TAFA1: variants seen among roughly 807,000 people sequenced by gnomAD.
TAFA1 encodes the protein TAFA chemokine like family member 1.
Under a neutral mutation model 18.5 loss-of-function variants are expected in TAFA1, and 4 were observed. That is an observed-to-expected ratio of 0.22 (90% CI 0.11 to 0.49). The LOEUF (loss-of-function observed/expected upper bound fraction) is 0.49. Among genes scored for constraint, TAFA1 ranks in the 20% least tolerant of loss-of-function variants. TAFA1 has a pLI of 0.98. For synonymous variants in TAFA1, 56 were observed against 55.2 expected (o/e 1.01, Z -0.06); for missense variants, 147 against 169.0 (o/e 0.87, Z 0.72).
At chr3:68,021,616 C>T (rs73837234) in intron 2 of TAFA1, among the ~76,000 whole-genome samples, 7,182 of 152,118 alleles carry the variant, frequency 0.047, 286 homozygotes, top group East Asian at 0.13. Context: ...ATTTTCTACT[C>T]TGAATACAAA....
intron 2 of TAFA1, among the ~76,000 whole-genome samples, chr3:68,291,905 A>T (rs2068116315): frequency 6.6e-6 from 1 of 152,172 alleles, no homozygotes; most frequent in Admixed American, 6.5e-5. Flanking sequence ...ATCTAGTGGG[A>T]GATAATACAG....
At chr3:68,021,003 T>A (rs995895371) in intron 2 of TAFA1, among the ~76,000 whole-genome samples, 1 of 151,706 alleles carries the variant, frequency 6.6e-6, no homozygotes, top group Non-Finnish European at 1.5e-5. Flanking sequence ...CTGGCCAACA[T>A]GGTGAAACCC....
At chr3:68,207,233 T>C (rs2066539387) in intron 2 of TAFA1, among the ~76,000 whole-genome samples, 1 of 151,906 alleles carries the variant, frequency 6.6e-6, no homozygotes, top group Non-Finnish European at 1.5e-5. Flanking sequence ...CCCATAAAGT[T>C]ACTGTTTTCT....
chr3:68,202,965 A>G (rs1251576346), intron 2 of TAFA1, among the ~76,000 whole-genome samples: 1 of 151,672 alleles, frequency 6.6e-6, no homozygotes, highest in Non-Finnish European at 1.5e-5. Context: ...CTCTCTAAAG[A>G]ACTTTTAACA....
intron 2 of TAFA1, among the ~76,000 whole-genome samples, chr3:68,376,306 G>A (rs1694841852): frequency 6.6e-6 from 1 of 151,642 alleles, no homozygotes; most frequent in Non-Finnish European, 1.5e-5. Flanking sequence ...TGTTACATAG[G>A]GAAACTTGTG....
At chr3:68,197,879 T>G (rs1355940225) in intron 2 of TAFA1, among the ~76,000 whole-genome samples, 1 of 151,716 alleles carries the variant, frequency 6.6e-6, no homozygotes, top group East Asian at 2.0e-4. Flanking sequence ...GTTGGAAGTT[T>G]CTAAGACTTG....
At chr3:68,080,769 G>C (rs947266531) in intron 2 of TAFA1, among the ~76,000 whole-genome samples, 1 of 152,032 alleles carries the variant, frequency 6.6e-6, no homozygotes, top group Non-Finnish European at 1.5e-5. Flanking sequence ...TTCAACTTTG[G>C]TGAATCTGAC....
rs139583488 is a variant in TAFA1, at chr3:68,444,508, T to C, written c.259+27088T>C. On this transcript the variant is annotated intron_variant, in intron 3 of 4. Transcript: ENST00000478136. ...GCTTTCCAGTAACAATGCTACACCA[T>C]GTAAGGAAGTACAAATCTTGGGTGA... Among the ~76,000 whole-genome samples, 9 of 152,240 alleles carry C rather than the reference T, an allele frequency of 5.9e-5. No homozygotes were observed. In the East Asian group the frequency reaches 1.4e-3, roughly 23 times the overall value.
At chr3:68,349,666 ACT>A (rs1247838500) in intron 2 of TAFA1, among the ~76,000 whole-genome samples, 1 of 152,096 alleles carries the variant, frequency 6.6e-6, no homozygotes, top group African/African-American at 2.4e-5. Context: ...CAAACACTTA[ACT>A]CTGCCATCGT....
At chr3:68,053,008 C>A (rs1247584088) in intron 2 of TAFA1, among the ~76,000 whole-genome samples, 2 of 152,176 alleles carry the variant, frequency 1.3e-5, no homozygotes, top group Non-Finnish European at 2.9e-5. Context: ...TTCACTGACA[C>A]CATCAGCAAT....
chr3:68,447,278 A>G (rs1048304140), intron 3 of TAFA1, among the ~76,000 whole-genome samples: 13 of 152,316 alleles, frequency 8.5e-5, no homozygotes, highest in African/African-American at 3.1e-4. Context: ...GTAGAAAACT[A>G]AAAGAACTTT....
At chr3:68,122,435 A>G (rs1346553322) in intron 2 of TAFA1, among the ~76,000 whole-genome samples, 3 of 152,202 alleles carry the variant, frequency 2.0e-5, no homozygotes, top group Non-Finnish European at 4.4e-5. Flanking sequence ...TGTGTTCTAG[A>G]GGAAGTGAAG....
intron 3 of TAFA1, among the ~76,000 whole-genome samples, chr3:68,437,722 C>T (rs2071288761): frequency 6.6e-6 from 1 of 152,114 alleles, no homozygotes; most frequent in Non-Finnish European, 1.5e-5. Flanking sequence ...AAGGCCCCAC[C>T]TGTCAATATT....
chr3:68,120,226 T>C (rs907882929), intron 2 of TAFA1, among the ~76,000 whole-genome samples: 2 of 137,760 alleles, frequency 1.5e-5, no homozygotes, highest in African/African-American at 5.7e-5. Flanking sequence ...TCTTTCTTTC[T>C]TTCTTTCTTT....
intron 2 of TAFA1, among the ~76,000 whole-genome samples, chr3:68,230,068 A>G (rs917060776): frequency 2.0e-5 from 3 of 152,208 alleles, no homozygotes; most frequent in Admixed American, 6.5e-5. Flanking sequence ...TCCAATCAGT[A>G]TAATTGGGAT....
At chr3:68,089,759 T>C (rs554396704) in intron 2 of TAFA1, among the ~76,000 whole-genome samples, 1 of 152,276 alleles carries the variant, frequency 6.6e-6, no homozygotes, top group African/African-American at 2.4e-5. Context: ...GAGAATCCTT[T>C]TTAATAATTC....
intron 2 of TAFA1, among the ~76,000 whole-genome samples, chr3:68,220,533 T>C (rs2066716798): frequency 6.6e-6 from 1 of 152,034 alleles, no homozygotes; most frequent in Admixed American, 6.5e-5. Flanking sequence ...AAACTACTGA[T>C]GGATGTCCAT....
intron 3 of TAFA1, among the ~76,000 whole-genome samples, chr3:68,517,802 C>G (rs1458276437): frequency 6.6e-6 from 1 of 152,054 alleles, no homozygotes; most frequent in African/African-American, 2.4e-5. Context: ...CTCATGGTAT[C>G]TTTGATTTGT....
intron 2 of TAFA1, among the ~76,000 whole-genome samples, chr3:68,369,372 C>T (rs2069635413): frequency 6.6e-6 from 1 of 152,120 alleles, no homozygotes; most frequent in Admixed American, 6.6e-5. Context: ...CATTATATCT[C>T]AATACATTAT....
Sources: allele counts gnomAD v4.1 joint callset (sites outside exome capture counted in the v4.1 genomes callset), GRCh38; gene constraint gnomAD v4.1.1; transcripts MANE v1.5; gene names NCBI Gene and HGNC (gene_info 2026-07-23, HGNC 2026-07-21).